Variants in MAPK14 observed in about 807,000 individuals in gnomAD.
The protein encoded by MAPK14 is mitogen-activated protein kinase 14.
A neutral mutation model predicts 49.6 loss-of-function variants in MAPK14; 16 were observed. The ratio of observed to expected loss-of-function variants is 0.32; its 90% CI spans 0.22 to 0.49. The LOEUF (loss-of-function observed/expected upper bound fraction) is 0.49. MAPK14 is among the 20% of genes least tolerant of loss of function. The pLI, the probability that MAPK14 is intolerant of heterozygous loss-of-function variation, is 0.99. For synonymous variants in MAPK14, 142 were observed against 158.0 expected (o/e 0.90, Z 0.76); for missense variants, 200 against 441.2 (o/e 0.45, Z 4.90).
intron 8 of MAPK14, among the ~76,000 whole-genome samples, chr6:36,083,926 C>T (rs1039981977): frequency 1.3e-5 from 2 of 152,118 alleles, no homozygotes; most frequent in Admixed American, 6.5e-5. Context: ...CGCCAGACAC[C>T]TTATGCAAGA....
chr6:36,070,831 A>C (rs1764240425), intron 3 of MAPK14, among the ~76,000 whole-genome samples: 1 of 152,112 alleles, frequency 6.6e-6, no homozygotes, highest in Admixed American at 6.6e-5. Context: ...ATATAAAGAG[A>C]GGTCACACAC....
chr6:36,122,294 T>G, the MAPK14 span, among the ~76,000 whole-genome samples: 1 of 152,208 alleles, frequency 6.6e-6, no homozygotes, highest in Non-Finnish European at 1.5e-5. Context: ...GTGCACAGCT[T>G]CTCCTGCCTG....
chr6:36,072,181 T>G (rs372890783), intron 3 of MAPK14, among the ~76,000 whole-genome samples: 4 of 152,024 alleles, frequency 2.6e-5, no homozygotes, highest in African/African-American at 9.6e-5. Flanking sequence ...CAGGAAAATT[T>G]AAAAAAATTA....
At chr6:36,075,241 A>G (rs955604768) in intron 6 of MAPK14, among the ~76,000 whole-genome samples, 1 of 151,550 alleles carries the variant, frequency 6.6e-6, no homozygotes, top group African/African-American at 2.4e-5. Context: ...AAAAAAAAAA[A>G]AAAAAAAAGT....
chr6:36,086,419 G>C (rs180977406), intron 8 of MAPK14, among the ~76,000 whole-genome samples: 3 of 152,048 alleles, frequency 2.0e-5, no homozygotes, highest in Non-Finnish European at 4.4e-5. Flanking sequence ...CCTAGCTAGA[G>C]TAATGAAGAA....
At chr6:36,085,737 CT>C (rs375487331) in intron 8 of MAPK14, among the ~76,000 whole-genome samples, 374 of 152,264 alleles carry the variant, frequency 2.5e-3, no homozygotes, top group African/African-American at 8.1e-3. Flanking sequence ...TAATACCCCA[CT>C]GTCAATATTA....
chr6:36,045,017 T>G (rs1036175375), intron 1 of MAPK14, among the ~76,000 whole-genome samples: 10 of 151,776 alleles, frequency 6.6e-5, no homozygotes, highest in African/African-American at 2.4e-4. Flanking sequence ...CCTGTAGTCC[T>G]GGCTACCCAG....
At position 36,028,068 on chromosome 6, in the gene MAPK14, C is replaced by A; in HGVS notation, c.-90C>A. On this transcript the variant is annotated 5_prime_UTR_variant, in exon 1 of 12. In the 5' UTR this introduces an upstream ATG that the reference lacks. Coordinates refer to ENST00000229794, the MANE Select transcript of MAPK14 (RefSeq NM_139012.3). The surrounding 1 kb of genome is among the most constrained non-coding windows in gnomAD (Gnocchi z 5.1). Reference sequence around the variant, plus strand: ...CGACCAGCGCAAGGTCCCCGCCCGGCTGGGCGGGCAGCAAGGGCCGGGGAG... The same window carrying A: ...CGACCAGCGCAAGGTCCCCGCCCGGATGGGCGGGCAGCAAGGGCCGGGGAG... 1 of 801,490 alleles carries A rather than the reference C, an allele frequency of 1.2e-6. No homozygotes were observed. Among genetic ancestry groups the A allele is most frequent in the Non-Finnish European group, 2.0e-6 (1 of 507,846 alleles). 49.6% of individuals were successfully genotyped at this position (801,490 alleles called of 1,614,324 possible).
intron 8 of MAPK14, among the ~76,000 whole-genome samples, chr6:36,084,338 T>C (rs1764890537): frequency 6.6e-6 from 1 of 152,210 alleles, no homozygotes; most frequent in South Asian, 2.1e-4. Context: ...AGATGTGGGC[T>C]GAGGCTGAGA....
At chr6:36,052,445 A>G (rs532641349) in intron 1 of MAPK14, among the ~76,000 whole-genome samples, 23 of 152,330 alleles carry the variant, frequency 1.5e-4, no homozygotes, top group African/African-American at 4.3e-4. Context: ...AAATATTACT[A>G]TCTGGCCCTT....
Position 36,065,099 on chromosome 6 carries a change from G to A in MAPK14, c.305+5752G>A, listed in dbSNP as rs564628877. Among the ~76,000 whole-genome samples the A allele has an allele frequency of 2.6e-5, 4 of 152,330 alleles. No individual in the cohort carries two copies. The South Asian group carries it at 6.2e-4, about 24-fold the overall frequency. ...ACTCTACCCAAGGGTCTTCTCATCA[G>A]AAGCTCTTCTTTTGTTACCATTCTA... On this transcript the variant is annotated intron_variant, in intron 3 of 11. Coordinates refer to ENST00000229794, the MANE Select transcript of MAPK14 (RefSeq NM_139012.3).
intron 2 of MAPK14, among the ~76,000 whole-genome samples, chr6:36,056,527 A>G (rs1763595452): frequency 1.3e-5 from 2 of 152,242 alleles, no homozygotes; most frequent in African/African-American, 4.8e-5. Context: ...GACCCAAGAA[A>G]TCACAAACTG....
In MAPK14 at chr6:36,028,384, G is replaced by T; in HGVS notation, c.116+111G>T. The T allele has an allele frequency of 6.8e-6, 5 of 740,314 alleles. No homozygotes were observed. The highest frequency in any genetic ancestry group is 5.5e-5 in the East Asian group (2 of 36,114). The allele number at this position is 740,314 out of a possible 1,614,324, so 45.9% of individuals were successfully genotyped here. A position where few individuals can be genotyped will look rare whatever the true frequency, so the allele number is the denominator to read the frequency against. Reference sequence around the variant, plus strand: ...GTCAAGTGGCAGGAATTTTCCTCGGGGGAGGGCATTGCTGCCCCTTCGAGC... The same window carrying T: ...GTCAAGTGGCAGGAATTTTCCTCGGTGGAGGGCATTGCTGCCCCTTCGAGC... On this transcript the variant is annotated intron_variant, in intron 1 of 11. Coordinates refer to ENST00000229794, the MANE Select transcript of MAPK14 (RefSeq NM_139012.3). This position sits in a 1 kb window ranked among gnomAD's most constrained non-coding sequence, Gnocchi z 5.1.
chr6:36,094,065 C>T (rs1024431645), intron 8 of MAPK14, among the ~76,000 whole-genome samples: 1 of 152,120 alleles, frequency 6.6e-6, no homozygotes, highest in Non-Finnish European at 1.5e-5. Context: ...GTATCCATCC[C>T]ACCCCCATTC....
Position 36,052,772 on chromosome 6 carries a change from C to G in MAPK14, c.190C>G (p.His64Asp). Reference sequence around the variant, plus strand: ...CTCCAGACCATTTCAGTCCATCATTCATGCGAAAAGAACCTACAGAGAACT... The same window carrying G: ...CTCCAGACCATTTCAGTCCATCATTGATGCGAAAAGAACCTACAGAGAACT... ...KLSRPFQSII[H>D]AKRTYRELRL... is the part of the protein sequence containing the mutation. The change falls in exon 2 of 12, where the codon CAT (histidine) becomes GAT (aspartate). Residue 64 changes from histidine to aspartate, a missense_variant. Transcript: ENST00000229794. 1 of 1,612,382 alleles carries G rather than the reference C, an allele frequency of 6.2e-7. No individual in the cohort carries two copies. The highest frequency in any genetic ancestry group is 1.1e-5 in the South Asian group (1 of 90,880).
At chr6:36,114,732 T>C (rs1262382999), downstream of MAPK14, among the ~76,000 whole-genome samples, 1 of 151,950 alleles carries the variant, frequency 6.6e-6, no homozygotes, top group African/African-American at 2.4e-5. Context: ...TGAATAAAGG[T>C]CATTTCATTT....
intron 9 of MAPK14, chr6:36,097,936 A>G (rs1765501229): frequency 6.6e-6 from 1 of 151,670 alleles, no homozygotes. Context: ...TGTTTCCTAC[A>G]TAATTGGGGT....
At chr6:36,070,064 T>A (rs1238783518) in intron 3 of MAPK14, among the ~76,000 whole-genome samples, 1 of 152,156 alleles carries the variant, frequency 6.6e-6, no homozygotes, top group Non-Finnish European at 1.5e-5. Context: ...GGTTAAAAAA[T>A]ACAGTAACTG....
chr6:36,065,689 T>C (rs1475615222), intron 3 of MAPK14, among the ~76,000 whole-genome samples: 1 of 152,030 alleles, frequency 6.6e-6, no homozygotes, highest in Non-Finnish European at 1.5e-5. Flanking sequence ...GGAAATGGGA[T>C]TGGAAAAAGG....
Sources: gnomAD v4.1 joint callset for allele counts (sites outside exome capture counted in the v4.1 genomes callset) on GRCh38, gnomAD v4.1.1 for gene constraint, Gnocchi (gnomAD v3.1) non-coding constraint, MANE v1.5 for transcripts, NCBI Gene and HGNC (gene_info 2026-07-23, HGNC 2026-07-21) for gene names.